The following PIK3R1 variants were observed in gnomAD, a reference collection of about 807,000 sequenced individuals.
PIK3R1 encodes the protein phosphatidylinositol 3-kinase regulatory subunit alpha.
A neutral mutation model predicts 98.0 loss-of-function variants in PIK3R1; 29 were observed. That is an observed-to-expected ratio of 0.30 (90% CI 0.22 to 0.40). The LOEUF (loss-of-function observed/expected upper bound fraction) is 0.40, where lower values mean the gene tolerates loss of function less well. Among genes scored for constraint, PIK3R1 ranks in the 10% least tolerant of loss-of-function variants. The pLI, the probability that PIK3R1 is intolerant of heterozygous loss-of-function variation, is 1.00. For synonymous variants in PIK3R1, 282 were observed against 311.8 expected (o/e 0.90, Z 1.01); for missense variants, 596 against 872.7 (o/e 0.68, Z 3.99).
intron 15 of PIK3R1, 101 bp from the exon 16 acceptor site, chr5:68,297,311 A>T: frequency 9.7e-7 from 1 of 1,030,632 alleles, no homozygotes; most frequent in Non-Finnish European, 1.4e-6. Flanking sequence ...CCTTTCCCCA[A>T]GTTGAGACTG....
At position 68,296,271 on chromosome 5, in the gene PIK3R1, C is replaced by T. The variant is rs1747707711; in HGVS notation, c.1915C>T (p.Arg639Ter). The T allele has an allele frequency of 1.2e-6, 2 of 1,613,996 alleles. No homozygotes were observed. The highest frequency in any genetic ancestry group is 1.3e-5 in the African/African-American group (1 of 74,898). ...SNRNKAENLL[R>*]GKRDGTFLVR... The stretch of plus-strand genomic sequence containing the variant: ...CCGAAACAAAGCTGAAAACCTGTTG[C>T]GAGGGAAGCGAGATGGCACTTTTCT... The change falls in exon 15 of 16, where the codon CGA becomes TGA. Residue 639 changes from arginine (R) to a stop codon, truncating the protein, a stop_gained. Coordinates refer to ENST00000521381, the MANE Select transcript of PIK3R1 (RefSeq NM_181523.3). LOFTEE classifies it high-confidence loss of function.
chr5:68,234,482 A>T (rs1169107016), intron 2 of PIK3R1, among the ~76,000 whole-genome samples: 1 of 152,222 alleles, frequency 6.6e-6, no homozygotes, highest in Non-Finnish European at 1.5e-5. Context: ...ATTATTGCTT[A>T]TGAAAGTGCC....
chr5:68,286,789 T>TAA (rs1747097146), intron 7 of PIK3R1, among the ~76,000 whole-genome samples: 1 of 152,216 alleles, frequency 6.6e-6, no homozygotes, highest in Non-Finnish European at 1.5e-5. Context: ...TTAGAAGGTT[T>TAA]TGACATGAAA....
In PIK3R1 at chr5:68,297,868, AC is replaced by A. The variant is rs1747820354; in HGVS notation, c.*268del. The A allele has an allele frequency of 3.3e-6, 1 of 307,092 alleles. No homozygotes were observed. The highest frequency in any genetic ancestry group is 1.3e-4 in the South Asian group (1 of 7,970). The allele number at this position is 307,092 out of a possible 1,614,324, so 19.0% of individuals were successfully genotyped here. The stretch of plus-strand genomic sequence containing the variant: ...GTTTAATTTAAAGCCACAACCACAT[AC>A]AACACAAAGAGAAAAAGAAATGCAA... On this transcript the variant is annotated 3_prime_UTR_variant, in exon 16 of 16. Coordinates refer to ENST00000521381, the MANE Select transcript of PIK3R1 (RefSeq NM_181523.3).
rs146187749 is a variant in PIK3R1, at chr5:68,244,812, C to A, written c.334+17803C>A. ...CTCTGTGGGACTAGATGTTAAGAAA[C>A]CATATCTTTAACTGAACATCATCTA... On this transcript the variant is annotated intron_variant, in intron 2 of 15. Transcript: ENST00000521381. Among the ~76,000 whole-genome samples the A allele has an allele frequency of 1.4e-3, 218 of 152,232 alleles. 1 individual carries two copies. Among genetic ancestry groups the A allele is most frequent in the African/African-American group, 4.9e-3 (203 of 41,524 alleles).
chr5:68,219,905 T>G (rs1744033987), intron 1 of PIK3R1, among the ~76,000 whole-genome samples: 1 of 152,228 alleles, frequency 6.6e-6, no homozygotes. Flanking sequence ...TATTTAACTT[T>G]TATCTGCTTG....
chr5:68,255,981 G>T (rs764860381), intron 2 of PIK3R1, among the ~76,000 whole-genome samples: 1 of 152,212 alleles, frequency 6.6e-6, no homozygotes, highest in African/African-American at 2.4e-5. Context: ...GAAGCACCTG[G>T]TTGAAAGGAG....
At chr5:68,234,322 C>T (rs1159489646) in intron 2 of PIK3R1, among the ~76,000 whole-genome samples, 1 of 152,108 alleles carries the variant, frequency 6.6e-6, no homozygotes, top group Non-Finnish European at 1.5e-5. Flanking sequence ...AGTGTTTCCC[C>T]AATAATGCAA....
In PIK3R1 at chr5:68,263,215, T is replaced by G. The variant is rs1664576; in HGVS notation, c.335-10175T>G. Among the ~76,000 whole-genome samples, 4 of 120,956 alleles carry G rather than the reference T, an allele frequency of 3.3e-5. 1 individual carries two copies. The East Asian group carries it at 9.4e-4, about 29-fold the overall frequency. The allele number at this position is 120,956 out of a possible 152,430, so 79.4% of individuals were successfully genotyped here. On this transcript the variant is annotated intron_variant, in intron 2 of 15. Coordinates refer to ENST00000521381, the MANE Select transcript of PIK3R1 (RefSeq NM_181523.3). ...TCTACATATATATCTATATATATAT[T>G]TCTACATATATATCTATATATGTAG... is the stretch of plus-strand genomic sequence containing the variant.
rs138894164 is a variant in PIK3R1 at position 68,253,847 on chromosome 5, T to C, written c.335-19543T>C. 6.9e-3 allele frequency among the ~76,000 whole-genome samples: 1,048 copies of C among 152,342 alleles called. 5 individuals are homozygous for C. Among genetic ancestry groups the C allele is most frequent in the Non-Finnish European group, 0.012 (815 of 68,036 alleles). On this transcript the variant is annotated intron_variant, in intron 2 of 15. Coordinates refer to ENST00000521381, the MANE Select transcript of PIK3R1 (RefSeq NM_181523.3). The stretch of plus-strand genomic sequence containing the variant: ...TACATCCTTTGGTGTAGTCATATTC[T>C]CTCAGCACTTGACTAAGCAGGTGGA...
chr5:68,301,049 TCTG>T lies in PIK3R1; in HGVS notation c.*3452_*3454del, dbSNP rs1427184476. On this transcript the variant is annotated 3_prime_UTR_variant, in exon 16 of 16. Coordinates refer to ENST00000521381, the MANE Select transcript of PIK3R1 (RefSeq NM_181523.3). ...ACTGATGTTCCTTTGGAAGAAAAAA[TCTG>T]CTGGTTTTAACAACTGTGCTTTTGC... 1.3e-5 allele frequency: 3 copies of T among 232,042 alleles called. No individual in the cohort carries two copies. The highest frequency in any genetic ancestry group is 1.8e-4 in the South Asian group (1 of 5,512). 14.4% of individuals were successfully genotyped at this position (232,042 alleles called of 1,614,324 possible).
intron 2 of PIK3R1, among the ~76,000 whole-genome samples, chr5:68,254,816 TAC>T (rs1206518585): frequency 6.9e-6 from 1 of 144,194 alleles, no homozygotes; most frequent in African/African-American, 2.6e-5. Context: ...ATTGCATCAG[TAC>T]AGTCTTTTTC....
At chr5:68,241,850 C>T (rs1212304863) in intron 2 of PIK3R1, among the ~76,000 whole-genome samples, 1 of 152,222 alleles carries the variant, frequency 6.6e-6, no homozygotes, top group African/African-American at 2.4e-5. Context: ...TAAATACAAT[C>T]TCACATTTCT....
At chr5:68,282,217 C>T (rs1381048005) in intron 7 of PIK3R1, among the ~76,000 whole-genome samples, 2 of 152,080 alleles carry the variant, frequency 1.3e-5, no homozygotes, top group Non-Finnish European at 2.9e-5. Flanking sequence ...GACTTCAGTC[C>T]AGGGGTTGGC....
At chr5:68,295,543 T>C in intron 14 of PIK3R1, 55 bp downstream of exon 14, 3 of 1,413,788 alleles carry the variant, frequency 2.1e-6, no homozygotes, top group Non-Finnish European at 3.0e-6. Flanking sequence ...TTTAGGAAAA[T>C]GCATGACTTG....
rs756988740 is a variant in PIK3R1 at position 68,288,486 on chromosome 5, T to G, written c.917-3773T>G. 7,422 of 1,310,850 alleles carry G rather than the reference T, an allele frequency of 5.7e-3. 24 individuals are homozygous for G. The highest frequency in any genetic ancestry group is 0.012 in the Middle Eastern group (41 of 3,502). The allele number at this position is 1,310,850 out of a possible 1,614,324, so 81.2% of individuals were successfully genotyped here. A position where few individuals can be genotyped will look rare whatever the true frequency, so the allele number is the denominator to read the frequency against. ...GTGAGCGGCGGTGGCCCGGACGCAC[T>G]GCCGGGCGGGGCGTGGGGCGGAGGG... On this transcript the variant is annotated intron_variant, in intron 7 of 15. Transcript: ENST00000521381.
chr5:68,230,234 A>G (rs1186531308), intron 2 of PIK3R1, among the ~76,000 whole-genome samples: 3 of 152,222 alleles, frequency 2.0e-5, no homozygotes, highest in Non-Finnish European at 2.9e-5. Flanking sequence ...GCTTTTGCAA[A>G]TCATTGATTA....
chr5:68,227,438 A>AC (rs1373453639), intron 2 of PIK3R1, among the ~76,000 whole-genome samples: 1 of 152,212 alleles, frequency 6.6e-6, no homozygotes, highest in Admixed American at 6.5e-5. Context: ...TTCAGTGGTC[A>AC]AGGGGTATAA....
chr5:68,264,307 T>G lies in PIK3R1; in HGVS notation c.335-9083T>G, dbSNP rs116053315. ...GCAACTGTCGCCAAGTGCTTGTCCA[T>G]CAGTGTCACGTAAAGATTTTTTAAC... On this transcript the variant is annotated intron_variant, in intron 2 of 15. Transcript: ENST00000521381. Among the ~76,000 whole-genome samples, 283 of 152,304 alleles carry G rather than the reference T, an allele frequency of 1.9e-3. 2 individuals carry two copies. The highest frequency in any genetic ancestry group is 6.3e-3 in the African/African-American group (263 of 41,572).
Sources: gnomAD v4.1 joint callset for allele counts (sites outside exome capture counted in the v4.1 genomes callset) on GRCh38, gnomAD v4.1.1 for gene constraint, MANE v1.5 for transcripts, NCBI Gene and HGNC (gene_info 2026-07-23, HGNC 2026-07-21) for gene names.